NOX5: variants seen among roughly 807,000 people sequenced by gnomAD.
NOX5 encodes the protein NADPH oxidase, EF-hand calcium binding domain 5.
NOX5 carries 76 observed loss-of-function variants against 85.7 expected under a neutral mutation model. The observed-to-expected ratio is 0.89, with a 90% confidence interval of 0.74 to 1.07. NOX5 has a LOEUF of 1.07. NOX5 is among the 50% of genes least tolerant of loss of function. NOX5 has a pLI of 0.00. For synonymous variants in NOX5, 405 were observed against 401.4 expected (o/e 1.01, Z -0.11); for missense variants, 973 against 999.5 (o/e 0.97, Z 0.36).
intron 14 of NOX5, among the ~76,000 whole-genome samples, chr15:69,054,632 T>C (rs2050788409): frequency 6.6e-6 from 1 of 152,234 alleles, no homozygotes; most frequent in South Asian, 2.1e-4. Context: ...CTTCTTAGCA[T>C]GCCTTCCCTT....
At chr15:69,032,639 G>A (rs2050452630) in intron 4 of NOX5, among the ~76,000 whole-genome samples, 1 of 152,090 alleles carries the variant, frequency 6.6e-6, no homozygotes, top group African/African-American at 2.4e-5. Context: ...TCGAACTCCT[G>A]ACCTCAGGTG....
chr15:69,042,586 C>T (rs756124978), intron 9 of NOX5, 77 bp from the exon 10 acceptor site: 12 of 1,500,836 alleles, frequency 8.0e-6, no homozygotes, highest in Non-Finnish European at 1.1e-5. Flanking sequence ...GCAGCAATCC[C>T]TCCAGTGGGG....
intron 14 of NOX5, among the ~76,000 whole-genome samples, chr15:69,054,336 G>C (rs2050784242): frequency 6.6e-6 from 1 of 152,210 alleles, no homozygotes; most frequent in African/African-American, 2.4e-5. Context: ...AACTGCGGGT[G>C]CTCTGGCCTT....
In NOX5 at chr15:69,056,605, A is replaced by C; in HGVS notation, c.2207A>C (p.Gln736Pro). 1 of 1,613,758 alleles carries C rather than the reference A, an allele frequency of 6.2e-7. No homozygotes were observed. Among genetic ancestry groups the C allele is most frequent in the Non-Finnish European group, 8.5e-7 (1 of 1,180,026 alleles). The change falls in exon 16 of 16, where the codon CAG (glutamine) becomes CCG (proline). Residue 736 changes from glutamine to proline, a missense_variant. Physicochemically the swap from Gln to Pro is moderately conservative, Grantham distance 76. Coordinates refer to ENST00000388866, the MANE Select transcript of NOX5 (RefSeq NM_024505.4). Reference sequence around the variant, plus strand: ...GCTGCTGAGAAGAAGGGCAAGGTGCAGGTCTTCTTCTGTGGCTCCCCAGCT... The same window carrying C: ...GCTGCTGAGAAGAAGGGCAAGGTGCCGGTCTTCTTCTGTGGCTCCCCAGCT... ...KVAAEKKGKV[Q>P]VFFCGSPALA...
Position 69,018,678 on chromosome 15 carries a change from G to A in NOX5, c.50+3893G>A, listed in dbSNP as rs964786616. Among the ~76,000 whole-genome samples, 5 of 152,250 alleles carry A rather than the reference G, an allele frequency of 3.3e-5. No homozygotes were observed. The South Asian group carries it at 6.2e-4, about 19-fold the overall frequency. On this transcript the variant is annotated intron_variant, in intron 1 of 15. Coordinates refer to ENST00000388866, the MANE Select transcript of NOX5 (RefSeq NM_024505.4). ...GTGTGTTCTGGGATGAGGTTGTGCC[G>A]TGTAAAATGTTTGTTTTACTAAGGT...
intron 2 of NOX5, among the ~76,000 whole-genome samples, 176 bp downstream of exon 2, chr15:69,026,827 C>G (rs1014239869): frequency 6.6e-6 from 1 of 152,184 alleles, no homozygotes; most frequent in Non-Finnish European, 1.5e-5. Flanking sequence ...GTCATGGCCT[C>G]CTGGGTCTTC....
intron 10 of NOX5, among the ~76,000 whole-genome samples, chr15:69,045,533 C>CTTTTTTCTTTCTTTCTTTCTTTCT (rs2050652637): frequency 1.5e-5 from 1 of 65,004 alleles, no homozygotes; most frequent in Non-Finnish European, 3.2e-5. Context: ...CTCTTCCTTT[C>CTTTTTTCTTTCTTTCTTTCTTTCT]TTTTTTCTTT....
At chr15:69,045,679 CTTTCTTTCT>C (rs969511986) in intron 10 of NOX5, among the ~76,000 whole-genome samples, 8 of 149,076 alleles carry the variant, frequency 5.4e-5, no homozygotes, top group African/African-American at 2.0e-4. Flanking sequence ...TTCTTTCACT[CTTTCTTTCT>C]TTTCTTTCTT....
chr15:69,018,076 A>C (rs573143868), intron 1 of NOX5, among the ~76,000 whole-genome samples: 1 of 152,068 alleles, frequency 6.6e-6, no homozygotes, highest in Non-Finnish European at 1.5e-5. Context: ...AACTCTTGAG[A>C]TGATGCAATT....
intron 1 of NOX5, among the ~76,000 whole-genome samples, chr15:69,015,769 TA>T (rs2140241305): frequency 6.6e-6 from 1 of 152,274 alleles, no homozygotes; most frequent in African/African-American, 2.4e-5. Context: ...AGGGTGGCTA[TA>T]AGTCAGTGGG....
Position 69,037,174 on chromosome 15 carries a change from C to T in NOX5, c.1335C>T (p.Ala445=), listed in dbSNP as rs368629288. ...GACTGGCAGTGTCCCGCATGGCAGC[C>T]GTGTGCATCATGGAAGTCAACCTCC... ...AIGLAVSRMA[A]VCIMEVNLLP... Residue 445 remains alanine (A), a synonymous_variant, in exon 8 of 16, where the codon GCC becomes GCT. Transcript: ENST00000388866. The T allele has an allele frequency of 2.7e-5, 43 of 1,613,720 alleles. No homozygotes were observed. Among genetic ancestry groups the T allele is most frequent in the African/African-American group, 8.0e-5 (6 of 74,880 alleles).
At position 69,033,123 on chromosome 15, in the gene NOX5, A is replaced by G; in HGVS notation, c.701A>G (p.Asn234Ser). 6.4e-7 allele frequency: 1 copy of G among 1,561,686 alleles called. No homozygotes were observed. Among genetic ancestry groups the G allele is most frequent in the Non-Finnish European group, 8.6e-7 (1 of 1,160,000 alleles). The change falls in exon 5 of 16, where the codon AAC (asparagine) becomes AGC (serine). Residue 234 changes from asparagine (N) to serine (S), a missense_variant. Transcript: ENST00000388866. ...CAGCTGACCCGCGCCTACTGGCACAACCACCGCAGCCAGCTGTTCTGCCTG... is the reference window on the plus strand; with the variant it reads ...CAGCTGACCCGCGCCTACTGGCACAGCCACCGCAGCCAGCTGTTCTGCCTG... ...PRQLTRAYWH[N>S]HRSQLFCLAT...
chr15:69,028,526 T>C (rs147006179), intron 3 of NOX5, 161 bp downstream of exon 3: 4 of 549,416 alleles, frequency 7.3e-6, no homozygotes, highest in Admixed American at 7.3e-5. Context: ...TTTCCTCACA[T>C]CTCTCTCCCA....
Position 69,059,112 on chromosome 15 carries a change from G to C in NOX5, c.*2416G>C, listed in dbSNP as rs1306600765. 1 of 152,184 alleles carries C rather than the reference G, an allele frequency of 6.6e-6. No homozygotes were observed. The highest frequency in any genetic ancestry group is 1.5e-5 in the Non-Finnish European group (1 of 68,040). The allele number at this position is 152,184 out of a possible 1,614,324, so 9.4% of individuals were successfully genotyped here. On this transcript the variant is annotated 3_prime_UTR_variant, in exon 16 of 16. Coordinates refer to ENST00000388866, the MANE Select transcript of NOX5 (RefSeq NM_024505.4). Reference sequence around the variant, plus strand: ...CACCCGCATATACAAATAGTCAGCTGTTCGTTTAGGACTTAATAATATAGT... The same window carrying C: ...CACCCGCATATACAAATAGTCAGCTCTTCGTTTAGGACTTAATAATATAGT...
chr15:69,028,555 T>G (rs1355829404), intron 3 of NOX5, 190 bp downstream of exon 3: 1 of 435,026 alleles, frequency 2.3e-6, no homozygotes, highest in Non-Finnish European at 4.0e-6. Context: ...TCTCTCTGTC[T>G]AATCCCTGCC....
chr15:69,041,198 C>T (rs1046013955), intron 9 of NOX5, among the ~76,000 whole-genome samples: 3 of 152,116 alleles, frequency 2.0e-5, no homozygotes, highest in Non-Finnish European at 2.9e-5. Context: ...TGGAGACCTC[C>T]TAGGTCTGAG....
At chr15:69,029,763 T>G (rs2050406202) in intron 3 of NOX5, 1 of 151,706 alleles carries the variant, frequency 6.6e-6, no homozygotes, top group Admixed American at 6.6e-5. Flanking sequence ...CATTGCAGCC[T>G]CCACCTCCCA....
intron 14 of NOX5, among the ~76,000 whole-genome samples, chr15:69,054,387 C>T (rs1283862769): frequency 1.3e-5 from 2 of 152,210 alleles, no homozygotes; most frequent in Non-Finnish European, 2.9e-5. Context: ...ATCTCTTCAG[C>T]TCTCTGATGC....
At chr15:69,055,080 G>T (rs993048819) in intron 14 of NOX5, among the ~76,000 whole-genome samples, 1 of 152,110 alleles carries the variant, frequency 6.6e-6, no homozygotes, top group African/African-American at 2.4e-5. Context: ...AAATATAAAA[G>T]ATCTAACTCT....
Sources: gnomAD v4.1 joint callset for allele counts (sites outside exome capture counted in the v4.1 genomes callset) on GRCh38, gnomAD v4.1.1 for gene constraint, MANE v1.5 for transcripts, NCBI Gene and HGNC (gene_info 2026-07-23, HGNC 2026-07-21) for gene names.